The following ADAMTS12 variants were observed in gnomAD, a reference collection of about 807,000 sequenced individuals.
The protein encoded by ADAMTS12 is A disintegrin and metalloproteinase with thrombospondin motifs 12.
Under a neutral mutation model 167.8 loss-of-function variants are expected in ADAMTS12, and 118 were observed. That is an observed-to-expected ratio of 0.70 (90% CI 0.61 to 0.82). The LOEUF (loss-of-function observed/expected upper bound fraction) is 0.82. ADAMTS12 is among the 40% of genes least tolerant of loss of function. The pLI is 0.00. For synonymous variants in ADAMTS12, 704 were observed against 716.9 expected (o/e 0.98, Z 0.29); for missense variants, 1,916 against 1,998.8 (o/e 0.96, Z 0.79).
At chr5:33,610,334 C>T (rs779011224) in intron 16 of ADAMTS12, among the ~76,000 whole-genome samples, 4 of 152,178 alleles carry the variant, frequency 2.6e-5, no homozygotes, top group African/African-American at 7.2e-5. Context: ...GGTTTCACAT[C>T]GATTTTCAGG....
At chr5:33,647,634 G>A (rs1740724037) in intron 9 of ADAMTS12, among the ~76,000 whole-genome samples, 1 of 152,150 alleles carries the variant, frequency 6.6e-6, no homozygotes, top group African/African-American at 2.4e-5. Flanking sequence ...GGGAGGCTGA[G>A]GTACGAGAAT....
At chr5:33,617,579 T>A (rs1739089846) in intron 14 of ADAMTS12, among the ~76,000 whole-genome samples, 1 of 152,184 alleles carries the variant, frequency 6.6e-6, no homozygotes, top group Non-Finnish European at 1.5e-5. Flanking sequence ...AAACCACTAA[T>A]GTATGACCAC....
intron 3 of ADAMTS12, among the ~76,000 whole-genome samples, chr5:33,733,355 A>C (rs888630296): frequency 9.2e-5 from 14 of 152,242 alleles, no homozygotes; most frequent in African/African-American, 3.4e-4. Context: ...CAGAATCTGT[A>C]GTGACACAAA....
At position 33,643,366 on chromosome 5, in the gene ADAMTS12, C is replaced by CT; in HGVS notation, c.1572+11dup. 6.2e-7 allele frequency: 1 copy of CT among 1,613,894 alleles called. No homozygotes were observed. The highest frequency in any genetic ancestry group is 1.1e-5 in the South Asian group (1 of 91,074). On this transcript the variant is annotated intron_variant, in intron 10 of 23. Coordinates refer to ENST00000504830, the MANE Select transcript of ADAMTS12 (RefSeq NM_030955.4). ...CCGCCCTCCCACCTCATTCCTCGGC[C>CT]TGACGCATCACCTTCTTCTCACCAC...
At chr5:33,553,188 T>G (rs59388010) in intron 20 of ADAMTS12, among the ~76,000 whole-genome samples, 10,584 of 151,988 alleles carry the variant, frequency 0.07, 1,241 homozygotes, top group African/African-American at 0.24. Context: ...TCTGTCAGAG[T>G]GGCTATTATT....
At chr5:33,610,622 T>A (rs543018612) in intron 16 of ADAMTS12, among the ~76,000 whole-genome samples, 1 of 152,328 alleles carries the variant, frequency 6.6e-6, no homozygotes, top group East Asian at 1.9e-4. Context: ...TAGGTAGACA[T>A]ATTAAAGAAG....
chr5:33,745,630 G>T (rs552779239), intron 3 of ADAMTS12, among the ~76,000 whole-genome samples: 1 of 151,946 alleles, frequency 6.6e-6, no homozygotes, highest in Admixed American at 6.6e-5. Context: ...TCCTTATTGG[G>T]GCATGGAAAC....
intron 2 of ADAMTS12, among the ~76,000 whole-genome samples, chr5:33,766,913 C>A (rs1044978734): frequency 6.6e-6 from 1 of 152,128 alleles, no homozygotes; most frequent in Non-Finnish European, 1.5e-5. Context: ...GAAATACATA[C>A]TTTTCATCCC....
chr5:33,838,503 T>G (rs1041172764), intron 2 of ADAMTS12, among the ~76,000 whole-genome samples: 3 of 152,084 alleles, frequency 2.0e-5, no homozygotes, highest in Admixed American at 6.6e-5. Context: ...GCCAACATAG[T>G]GTAACCCCAT....
rs189390570 is a variant in ADAMTS12 at position 33,743,361 on chromosome 5, C to G, written c.634+8043G>C. Among the ~76,000 whole-genome samples, 811 of 152,278 alleles carry G rather than the reference C, an allele frequency of 5.3e-3. 3 individuals are homozygous for G. Among genetic ancestry groups the G allele is most frequent in the Middle Eastern group, 0.014 (4 of 294 alleles). Reference sequence around the variant, plus strand: ...AGTGGACTGGATGAGAATTTGTCCTCCCCCTGCCCACAGGAAACTAAAAAC... The same window carrying G: ...AGTGGACTGGATGAGAATTTGTCCTGCCCCTGCCCACAGGAAACTAAAAAC... On this transcript the variant is annotated intron_variant, in intron 3 of 23. Coordinates refer to ENST00000504830, the MANE Select transcript of ADAMTS12 (RefSeq NM_030955.4).
Position 33,630,877 on chromosome 5 carries a change from C to T in ADAMTS12, c.1925G>A (p.Gly642Asp), listed in dbSNP as rs759374102. The T allele has an allele frequency of 1.2e-6, 2 of 1,613,578 alleles. No homozygotes were observed. The highest frequency in any genetic ancestry group is 1.7e-6 in the Non-Finnish European group (2 of 1,179,656). Residue 642 changes from glycine (G) to aspartate (D), a missense_variant, in exon 13 of 24, where the codon GGC (glycine) becomes GAC (aspartate). Coordinates refer to ENST00000504830, the MANE Select transcript of ADAMTS12 (RefSeq NM_030955.4). ...PCELYCRPID[G>D]QFSEKMLDAV... ...ATCCAGCATTTTCTCAGAAAACTGGCCATCTATGGGTCGGCAGTAGAGCTC... is the reference window on the plus strand; with the variant it reads ...ATCCAGCATTTTCTCAGAAAACTGGTCATCTATGGGTCGGCAGTAGAGCTC...
intron 23 of ADAMTS12, among the ~76,000 whole-genome samples, chr5:33,534,399 C>T (rs1452262538): frequency 2.6e-5 from 4 of 152,180 alleles, no homozygotes; most frequent in Non-Finnish European, 5.9e-5. Context: ...CACACACTTT[C>T]ACCCCAGAGC....
In ADAMTS12 at chr5:33,724,653, G is replaced by T. The variant is rs558681242; in HGVS notation, c.634+26751C>A. On this transcript the variant is annotated intron_variant, in intron 3 of 23. Transcript: ENST00000504830. ...TGCAAGCTCCGCCTCCCGGGTTCAC[G>T]CCATTCTCCTGTCTCAGCCTCTTGA... Among the ~76,000 whole-genome samples, 7 of 151,186 alleles carry T rather than the reference G, an allele frequency of 4.6e-5. No homozygotes were observed. The South Asian group carries it at 6.3e-4, about 14-fold the overall frequency.
chr5:33,741,885 C>T (rs182362343), intron 3 of ADAMTS12, among the ~76,000 whole-genome samples: 10 of 152,234 alleles, frequency 6.6e-5, no homozygotes, highest in Admixed American at 5.9e-4. Context: ...CTCAGCCTCC[C>T]GAAGTGCTGG....
chr5:33,699,663 A>G (rs1356761811), intron 3 of ADAMTS12, among the ~76,000 whole-genome samples: 1 of 152,200 alleles, frequency 6.6e-6, no homozygotes, highest in Non-Finnish European at 1.5e-5. Context: ...CTCTGCACAT[A>G]TGCTAAAAGC....
intron 3 of ADAMTS12, among the ~76,000 whole-genome samples, chr5:33,688,943 G>A (rs990161904): frequency 1.3e-5 from 2 of 152,150 alleles, no homozygotes; most frequent in Admixed American, 6.5e-5. Flanking sequence ...TTGAGGTCCA[G>A]CTTCCCCCAA....
At chr5:33,791,560 T>C (rs547770118) in intron 2 of ADAMTS12, among the ~76,000 whole-genome samples, 1 of 152,304 alleles carries the variant, frequency 6.6e-6, no homozygotes, top group East Asian at 1.9e-4. Context: ...ACCTGGGAAT[T>C]AGAAATTTGT....
At chr5:33,732,402 A>G (rs993336942) in intron 3 of ADAMTS12, among the ~76,000 whole-genome samples, 4 of 152,184 alleles carry the variant, frequency 2.6e-5, no homozygotes, top group Non-Finnish European at 5.9e-5. Flanking sequence ...TTTTCCCACA[A>G]ATATGACAAA....
chr5:33,819,079 T>C (rs1444236689), intron 2 of ADAMTS12, among the ~76,000 whole-genome samples: 1 of 152,134 alleles, frequency 6.6e-6, no homozygotes. Context: ...GTGCAAAGCT[T>C]TGTACTTTGA....
Sources: gnomAD v4.1 joint callset for allele counts (sites outside exome capture counted in the v4.1 genomes callset) on GRCh38, gnomAD v4.1.1 for gene constraint, MANE v1.5 for transcripts, NCBI Gene and HGNC (gene_info 2026-07-23, HGNC 2026-07-21) for gene names.